PKP1: variants seen among roughly 807,000 people sequenced by gnomAD.
PKP1 encodes plakophilin-1.
In PKP1, 27 loss-of-function variants were observed where a neutral mutation model predicts 76.4. The ratio of observed to expected loss-of-function variants is 0.35; its 90% CI spans 0.26 to 0.49. The LOEUF is 0.49. Ranked by LOEUF, PKP1 falls within the 20% of genes least tolerant of loss-of-function variation. The pLI, the probability that PKP1 is intolerant of heterozygous loss-of-function variation, is 0.99. For missense variants in PKP1, 964 were observed against 955.2 expected (o/e 1.01, Z -0.12); for synonymous variants, 404 against 384.2 (o/e 1.05, Z -0.60).
At chr1:201,301,799 C>A (rs1266567682) in intron 2 of PKP1, among the ~76,000 whole-genome samples, 1 of 151,690 alleles carries the variant, frequency 6.6e-6, no homozygotes, top group Non-Finnish European at 1.5e-5. Context: ...AAAGTCCTTA[C>A]GCTATAGTTG....
chr1:201,328,359 T>C, intron 12 of PKP1: 1 of 333,878 alleles, frequency 3.0e-6, no homozygotes. Context: ...GGGCATGTCC[T>C]CTCTGCCCAA....
At chr1:201,302,376 G>C (rs1207034803) in intron 2 of PKP1, among the ~76,000 whole-genome samples, 1 of 152,158 alleles carries the variant, frequency 6.6e-6, no homozygotes, top group African/African-American at 2.4e-5. Context: ...AGAAGGGCAG[G>C]GGGAGAAGTG....
At chr1:201,299,710 G>T (rs538191416) in intron 2 of PKP1, among the ~76,000 whole-genome samples, 1 of 152,238 alleles carries the variant, frequency 6.6e-6, no homozygotes, top group Non-Finnish European at 1.5e-5. Context: ...ACAGCAGTTA[G>T]TTAGCCCTTG....
intron 10 of PKP1, 102 bp downstream of exon 10, chr1:201,324,683 G>A: frequency 2.1e-6 from 3 of 1,443,680 alleles, no homozygotes; most frequent in Non-Finnish European, 1.9e-6. Flanking sequence ...CCTGGGATGA[G>A]CATTCCAAGA....
chr1:201,314,005 G>C (rs953404220), intron 3 of PKP1, among the ~76,000 whole-genome samples: 1 of 152,212 alleles, frequency 6.6e-6, no homozygotes, highest in South Asian at 2.1e-4. Context: ...ACTAGAGTTT[G>C]AGAACCTCTG....
chr1:201,307,928 A>T (rs922932454), intron 2 of PKP1, among the ~76,000 whole-genome samples: 4 of 152,120 alleles, frequency 2.6e-5, no homozygotes, highest in African/African-American at 9.7e-5. Context: ...TGGGTGTGTG[A>T]CTTGGCAAGC....
Position 201,283,751 on chromosome 1 carries a change from G to A in PKP1, c.49G>A (p.Asp17Asn), listed in dbSNP as rs1339584228. ...CGCCTTGGCGTACGAATGCTTCCAG[G>A]ACCAGGACAACTCCACGTTGGCTTT... The part of the protein sequence containing the change: ...KTALAYECFQ[D>N]QDNSTLALPS... The change falls in exon 1 of 14, where the codon GAC (aspartate) becomes AAC (asparagine). Residue 17 changes from aspartate (D) to asparagine (N), a missense_variant. Asp to Asn is a conservative substitution (Grantham distance 23). Transcript: ENST00000367324. 6.2e-7 allele frequency: 1 copy of A among 1,614,144 alleles called. No homozygotes were observed. The highest frequency in any genetic ancestry group is 8.5e-7 in the Non-Finnish European group (1 of 1,179,982).
intron 9 of PKP1, 119 bp downstream of exon 9, chr1:201,323,308 G>A (rs1657006277): frequency 1.1e-6 from 1 of 936,222 alleles, no homozygotes; most frequent in African/African-American, 1.6e-5. Context: ...CATGAGCAGA[G>A]TGTGCCTGGC....
Position 201,322,035 on chromosome 1 carries a change from G to A in PKP1, c.1405G>A (p.Val469Met). 1 of 1,613,990 alleles carries A rather than the reference G, an allele frequency of 6.2e-7. No individual in the cohort carries two copies. Among genetic ancestry groups the A allele is most frequent in the Non-Finnish European group, 8.5e-7 (1 of 1,179,998 alleles). Residue 469 changes from valine (V) to methionine (M), a missense_variant, in exon 8 of 14, where the codon GTG (valine) becomes ATG (methionine). By Grantham distance (21) the Val-to-Met change is conservative. Coordinates refer to ENST00000367324, the MANE Select transcript of PKP1 (RefSeq NM_001005337.3). ...CCTCTCCTACCGCCTGGACGCCGAG[G>A]TGCCCACCCGCTACCGCCAGCTGGA... The part of the protein sequence containing the change: ...HNLSYRLDAE[V>M]PTRYRQLEYN...
chr1:201,305,862 G>C (rs533591749), intron 2 of PKP1, among the ~76,000 whole-genome samples: 144 of 152,266 alleles, frequency 9.5e-4, no homozygotes, highest in Non-Finnish European at 1.9e-3. Flanking sequence ...CCCTCTTCAT[G>C]ATGAACCATC....
rs991698813 is a variant in PKP1 at position 201,320,451 on chromosome 1, G to T, written c.1347+70G>T. ...CCTACATTTTCTGGGTGCCTTTGAG[G>T]CCTGGCCCAGTGACAAGACAGGAGC... is the stretch of plus-strand genomic sequence containing the variant. On this transcript the variant is annotated intron_variant, in intron 7 of 13. Coordinates refer to ENST00000367324, the MANE Select transcript of PKP1 (RefSeq NM_001005337.3). 8 of 960,250 alleles carry T rather than the reference G, an allele frequency of 8.3e-6. No homozygotes were observed. In the East Asian group the frequency reaches 1.5e-4, roughly 18 times the overall value. The allele number at this position is 960,250 out of a possible 1,614,324, so 59.5% of individuals were successfully genotyped here.
In PKP1 at chr1:201,316,641, A is replaced by G. The variant is rs773235619; in HGVS notation, c.790A>G (p.Ile264Val). Residue 264 changes from isoleucine (I) to valine (V), a missense_variant, in exon 4 of 14, where the codon ATT (isoleucine) becomes GTT (valine). By Grantham distance (29) the Ile-to-Val change is conservative. Transcript: ENST00000367324. ...LSSQDEKYQA[I>V]GAYYIQHTCF... ...CTCCCAGGATGAGAAGTACCAGGCC[A>G]TTGGGGCCTATTACATCCAGCATAC... The G allele has an allele frequency of 3.7e-6, 6 of 1,613,718 alleles. No individual in the cohort carries two copies. Among genetic ancestry groups the G allele is most frequent in the Middle Eastern group, 1.7e-4 (1 of 5,998 alleles).
chr1:201,320,761 G>C (rs894219831), intron 7 of PKP1, among the ~76,000 whole-genome samples: 3 of 152,200 alleles, frequency 2.0e-5, no homozygotes, highest in Non-Finnish European at 4.4e-5. Flanking sequence ...AGCATCTGCT[G>C]GCTGTGCTTC....
At chr1:201,288,297 C>A (rs1163555255) in intron 1 of PKP1, among the ~76,000 whole-genome samples, 2 of 152,196 alleles carry the variant, frequency 1.3e-5, no homozygotes, top group African/African-American at 2.4e-5. Context: ...AGCTGTTCTG[C>A]CAAAAAGCTC....
At chr1:201,292,708 G>C (rs1655953448) in intron 1 of PKP1, among the ~76,000 whole-genome samples, 1 of 152,204 alleles carries the variant, frequency 6.6e-6, no homozygotes. Flanking sequence ...CTTCCCCACA[G>C]ACAGGGTTTC....
chr1:201,325,949 G>T, intron 12 of PKP1, 111 bp downstream of exon 12: 1 of 762,668 alleles, frequency 1.3e-6, no homozygotes, highest in Non-Finnish European at 2.3e-6. Flanking sequence ...CTGCCCTTCG[G>T]GACAGTCTGA....
intron 3 of PKP1, among the ~76,000 whole-genome samples, chr1:201,314,566 G>A (rs1571555266): frequency 1.3e-5 from 2 of 152,216 alleles, no homozygotes; most frequent in African/African-American, 4.8e-5. Flanking sequence ...GTGCATACAT[G>A]TGGAAGGCCA....
chr1:201,316,129 C>CGGATGGAT (rs1553275139), intron 3 of PKP1: 1 of 66,286 alleles, frequency 1.5e-5, no homozygotes, highest in African/African-American at 3.5e-5. Flanking sequence ...GATGGACGGA[C>CGGATGGAT]GGACGGACGG....
chr1:201,312,866 T>C (rs1656601399), intron 2 of PKP1, among the ~76,000 whole-genome samples: 1 of 152,238 alleles, frequency 6.6e-6, no homozygotes, highest in Non-Finnish European at 1.5e-5. Flanking sequence ...AAACAATGTG[T>C]GACTTTACTA....
Sources: gnomAD v4.1 joint callset for allele counts (sites outside exome capture counted in the v4.1 genomes callset) on GRCh38, gnomAD v4.1.1 for gene constraint, MANE v1.5 for transcripts, NCBI Gene and HGNC (gene_info 2026-07-23, HGNC 2026-07-21) for gene names.